Variants in MED13 observed in about 807,000 individuals in gnomAD.
The protein encoded by MED13 is mediator of RNA polymerase II transcription subunit 13.
MED13 carries 23 observed loss-of-function variants against 225.2 expected under a neutral mutation model. The observed-to-expected ratio is 0.10, with a 90% CI of 0.07 to 0.14. MED13 has a LOEUF of 0.14. Ranked by LOEUF, MED13 falls within the 10% of genes least tolerant of loss-of-function variation. MED13 has a pLI of 1.00. For synonymous variants in MED13, 942 were observed against 889.2 expected (o/e 1.06, Z -1.06); for missense variants, 2,197 against 2,594.5 (o/e 0.85, Z 3.33).
intron 1 of MED13, 67 bp from the exon 2 acceptor site, chr17:62,063,368 A>T: frequency 2.0e-6 from 2 of 988,842 alleles, no homozygotes; most frequent in South Asian, 1.5e-5. Context: ...ACTCAATATG[A>T]TGTCTCTTAT....
intron 5 of MED13, chr17:62,032,319 C>A (rs1195650864): frequency 6.6e-6 from 1 of 151,640 alleles, no homozygotes; most frequent in Non-Finnish European, 1.5e-5. Flanking sequence ...ACTAAAAATA[C>A]AAAATTTAGC....
intron 1 of MED13, among the ~76,000 whole-genome samples, chr17:62,064,582 GA>G (rs2081066114): frequency 6.6e-6 from 1 of 152,162 alleles, no homozygotes; most frequent in South Asian, 2.1e-4. Flanking sequence ...GAAAACATAT[GA>G]AATGGCACCT....
chr17:61,946,509 C>G lies in MED13; in HGVS notation c.6484G>C (p.Val2162Leu). ...RRSCLPIHFV[V>L]LNQLYNFIMN... ...ATAAAGTTATATAACTGATTCAGCACCACAAAATGAATTGGGAGACATGAG... is the reference window on the plus strand; with the variant it reads ...ATAAAGTTATATAACTGATTCAGCAGCACAAAATGAATTGGGAGACATGAG... The change falls in exon 30 of 30, where the codon GTG (valine) becomes CTG (leucine). Residue 2162 changes from valine to leucine, a missense_variant. By Grantham distance (32) the Val-to-Leu change is conservative (BLOSUM62 1). This residue lies in a region of MED13 where 216 missense variants were observed against 388.9 expected (regional missense o/e 0.56). Coordinates refer to ENST00000397786, the MANE Select transcript of MED13 (RefSeq NM_005121.3). 1 of 1,613,826 alleles carries G rather than the reference C, an allele frequency of 6.2e-7. No individual in the cohort carries two copies. The highest frequency in any genetic ancestry group is 8.5e-7 in the Non-Finnish European group (1 of 1,179,758).
Position 62,065,240 on chromosome 17 carries a change from C to T in MED13, c.-35G>A. 6.5e-7 allele frequency: 1 copy of T among 1,527,822 alleles called. No individual in the cohort carries two copies. Among genetic ancestry groups the T allele is most frequent in the Non-Finnish European group, 8.8e-7 (1 of 1,132,412 alleles). The allele number at this position is 1,527,822 out of a possible 1,614,324, so 94.6% of individuals were successfully genotyped here. A position where few individuals can be genotyped will look rare whatever the true frequency, so the allele number is the denominator to read the frequency against. On this transcript the variant is annotated 5_prime_UTR_variant, in exon 1 of 30. Transcript: ENST00000397786. ...CAGCAGCCGCCGCCGGCGCCACAAC[C>T]CACCATCCGCCATTACCGCCGCCTC...
At chr17:62,055,549 G>A (rs2080990217) in intron 2 of MED13, among the ~76,000 whole-genome samples, 1 of 152,046 alleles carries the variant, frequency 6.6e-6, no homozygotes, top group Non-Finnish European at 1.5e-5. Context: ...GAGGCCATGT[G>A]CGGTGGCTCA....
At chr17:61,973,858 C>G (rs2080130097) in intron 16 of MED13, among the ~76,000 whole-genome samples, 1 of 152,042 alleles carries the variant, frequency 6.6e-6, no homozygotes, top group Non-Finnish European at 1.5e-5. Flanking sequence ...TGGCACATGC[C>G]TGTAATCCCA....
At chr17:62,017,845 T>G (rs1348453739) in intron 8 of MED13, among the ~76,000 whole-genome samples, 2 of 152,238 alleles carry the variant, frequency 1.3e-5, no homozygotes, top group African/African-American at 4.8e-5. Context: ...ATATAAAGCA[T>G]TTCTGCTATA....
chr17:61,998,593 C>T (rs942755124), intron 9 of MED13, among the ~76,000 whole-genome samples: 6 of 147,428 alleles, frequency 4.1e-5, no homozygotes, highest in African/African-American at 7.6e-5. Context: ...ATCTTCCCAC[C>T]GCCTTTTTTT....
chr17:61,968,611 C>T (rs1294011264), intron 17 of MED13, among the ~76,000 whole-genome samples: 2 of 152,162 alleles, frequency 1.3e-5, no homozygotes, highest in Non-Finnish European at 2.9e-5. Context: ...AGGTGTGAGC[C>T]ACCATGCCCG....
intron 16 of MED13, among the ~76,000 whole-genome samples, chr17:61,978,406 C>T (rs2080175375): frequency 6.6e-6 from 1 of 152,168 alleles, no homozygotes; most frequent in African/African-American, 2.4e-5. Context: ...CATGCGCCAC[C>T]ATGCCCAGCT....
intron 26 of MED13, among the ~76,000 whole-genome samples, chr17:61,953,768 C>A (rs954630033): frequency 3.3e-5 from 5 of 152,282 alleles, no homozygotes; most frequent in Middle Eastern, 3.4e-3. Context: ...CAATAGGAAA[C>A]TAATACAAAG....
chr17:61,955,486 G>A lies in MED13; in HGVS notation c.5864C>T (p.Thr1955Ile), dbSNP rs1301929973. 16 of 1,603,506 alleles carry A rather than the reference G, an allele frequency of 1.0e-5. No homozygotes were observed. The highest frequency in any genetic ancestry group is 1.3e-5 in the Non-Finnish European group (15 of 1,176,596). Reference protein sequence around the residue: ...QTSQLNTPQDTSCTHILVFPT... With the variant: ...QTSQLNTPQDISCTHILVFPT... ...AAACACAAGTATATGAGTACATGATGTATCCTGTGGGGTATTTAGCTGAGA... is the reference window on the plus strand; with the variant it reads ...AAACACAAGTATATGAGTACATGATATATCCTGTGGGGTATTTAGCTGAGA... Residue 1955 changes from threonine to isoleucine, a missense_variant, in exon 26 of 30, where the codon ACA (threonine) becomes ATA (isoleucine). Thr to Ile is a moderately conservative substitution (Grantham distance 89). Transcript: ENST00000397786.
chr17:62,052,409 T>G, intron 3 of MED13, 128 bp downstream of exon 3: 2 of 578,170 alleles, frequency 3.5e-6, no homozygotes, highest in East Asian at 6.5e-5. Flanking sequence ...TGACTGTATC[T>G]AGTACTCTGT....
intron 26 of MED13, 179 bp downstream of exon 26, chr17:61,955,203 G>T: frequency 4.5e-6 from 2 of 446,284 alleles, no homozygotes; most frequent in South Asian, 5.4e-5. Context: ...ACATGTTATC[G>T]CATTAAGGGC....
chr17:62,007,799 G>T (rs1261065873), intron 9 of MED13, among the ~76,000 whole-genome samples: 1 of 152,084 alleles, frequency 6.6e-6, no homozygotes, highest in African/African-American at 2.4e-5. Context: ...AGTGAGCCAA[G>T]ATCGCGCCAC....
intron 3 of MED13, among the ~76,000 whole-genome samples, chr17:62,036,104 T>TA (rs1407633402): frequency 6.7e-6 from 1 of 149,918 alleles, no homozygotes; most frequent in African/African-American, 2.4e-5. Flanking sequence ...TTTTTTTTTT[T>TA]AAAGAAAAAA....
intron 8 of MED13, among the ~76,000 whole-genome samples, chr17:62,028,094 T>C (rs2080719957): frequency 1.3e-5 from 2 of 152,076 alleles, no homozygotes; most frequent in South Asian, 2.1e-4. Flanking sequence ...TAAAGACACA[T>C]ATACGCAAAT....
intron 9 of MED13, among the ~76,000 whole-genome samples, chr17:62,009,730 TA>T (rs2080488219): frequency 6.6e-6 from 1 of 152,230 alleles, no homozygotes; most frequent in African/African-American, 2.4e-5. Flanking sequence ...ATGTATTTCC[TA>T]AAAAAATTCT....
At chr17:62,055,257 T>C (rs542768846) in intron 2 of MED13, among the ~76,000 whole-genome samples, 1 of 151,634 alleles carries the variant, frequency 6.6e-6, no homozygotes, top group Admixed American at 6.6e-5. Context: ...TAGCCATGCA[T>C]GGCACGGCTG....
Sources: gnomAD v4.1 joint callset for allele counts (sites outside exome capture counted in the v4.1 genomes callset) on GRCh38, gnomAD v4.1.1 for gene constraint, gnomAD v4.1.1 regional missense constraint, MANE v1.5 for transcripts, NCBI Gene and HGNC (gene_info 2026-07-23, HGNC 2026-07-21) for gene names.